The following PRAG1 variants were observed in gnomAD, a reference collection of about 807,000 sequenced individuals.
PRAG1 encodes the protein PEAK1 related, kinase-activating pseudokinase 1.
PRAG1 carries 110 observed loss-of-function variants against 95.6 expected under a neutral mutation model. That is an observed-to-expected ratio of 1.15 (90% confidence interval 0.99 to 1.35). The LOEUF is 1.35. Among genes scored for constraint, PRAG1 ranks in the 40% most tolerant of loss-of-function variants. PRAG1 has a pLI of 0.00. For synonymous variants in PRAG1, 1,052 were observed against 819.4 expected, an observed-to-expected ratio of 1.28 and a Z score of -4.85; for missense variants, 2,554 against 1,864.7, an observed-to-expected ratio of 1.37 and a Z score of -6.81.
At chr8:8,334,111 G>A (rs1046280742) in intron 4 of PRAG1, among the ~76,000 whole-genome samples, 5 of 152,182 alleles carry the variant, frequency 3.3e-5, no homozygotes, top group African/African-American at 1.2e-4. Flanking sequence ...CACAGTCAGA[G>A]CAGGTTCAAC....
rs1800666685 is a variant in PRAG1, at chr8:8,381,502, G to C, written c.246C>G (p.Pro82=). ...TCATGGTGGGCTTCACGGCAATTGT[G>C]GGCTTGGAGTAAGGTGAGCTGTTCA... ...EGVNSSPYSK[P]TIAVKPTMMS... is the part of the protein sequence containing the mutation. The change falls in exon 2 of 6, where the codon CCC becomes CCG. Residue 82 remains proline, a synonymous_variant. Transcript: ENST00000615670. 6.2e-7 allele frequency: 1 copy of C among 1,614,246 alleles called. No homozygotes were observed. Among genetic ancestry groups the C allele is most frequent in the Non-Finnish European group, 8.5e-7 (1 of 1,180,040 alleles).
chr8:8,357,423 T>TA (rs1163806287), intron 3 of PRAG1, among the ~76,000 whole-genome samples: 4 of 152,122 alleles, frequency 2.6e-5, no homozygotes, highest in Non-Finnish European at 5.9e-5. Context: ...CAAGGGCCAG[T>TA]AAGCACATAA....
chr8:8,379,190 G>A lies in PRAG1; in HGVS notation c.331-1112C>T, dbSNP rs145899686. Among the ~76,000 whole-genome samples, 122 of 152,268 alleles carry A rather than the reference G, an allele frequency of 8.0e-4. No individual in the cohort carries two copies. In the Middle Eastern group the frequency reaches 0.01, roughly 13 times the overall value. On this transcript the variant is annotated intron_variant, in intron 2 of 5. Coordinates refer to ENST00000615670, the MANE Select transcript of PRAG1 (RefSeq NM_001080826.3). ...GACCTGGGCTTCCTCGCTTCTTTCT[G>A]TGCTTTGCTTCCAACTATGCCAGAG...
chr8:8,345,781 C>T (rs1006727340), intron 3 of PRAG1, among the ~76,000 whole-genome samples: 4 of 152,116 alleles, frequency 2.6e-5, no homozygotes, highest in African/African-American at 2.4e-5. Context: ...GGTGACAGAG[C>T]GAGACTCTGT....
intron 3 of PRAG1, among the ~76,000 whole-genome samples, chr8:8,359,127 TTAA>T (rs1799770796): frequency 6.6e-6 from 1 of 152,224 alleles, no homozygotes; most frequent in Admixed American, 6.5e-5. Flanking sequence ...GATTTATTCC[TTAA>T]TAAAAAAGGT....
intron 3 of PRAG1, among the ~76,000 whole-genome samples, chr8:8,360,759 T>C (rs1799819180): frequency 6.6e-6 from 1 of 152,254 alleles, no homozygotes; most frequent in South Asian, 2.1e-4. Context: ...CATCCTTTTC[T>C]TGTTGTATGT....
Position 8,347,341 on chromosome 8 carries a change from C to G in PRAG1, c.2163-7706G>C, listed in dbSNP as rs577404310. On this transcript the variant is annotated intron_variant, in intron 3 of 5. Transcript: ENST00000615670. ...ACCAGCTCAGAGCTCTCTGTTTCCC[C>G]TCAGTTCCTCTCTGACTTTTCTATA... is the stretch of plus-strand genomic sequence containing the variant. Among the ~76,000 whole-genome samples the G allele has an allele frequency of 9.8e-4, 149 of 152,326 alleles. 1 individual carries two copies. The highest frequency in any genetic ancestry group is 3.4e-3 in the African/African-American group (142 of 41,572).
intron 2 of PRAG1, among the ~76,000 whole-genome samples, 183 bp from the exon 3 acceptor site, chr8:8,378,261 A>G (rs747740936): frequency 6.6e-6 from 1 of 152,154 alleles, no homozygotes; most frequent in Non-Finnish European, 1.5e-5. Flanking sequence ...CCCTGTGATC[A>G]TTGCTGGGGC....
intron 3 of PRAG1, among the ~76,000 whole-genome samples, chr8:8,370,961 A>C (rs1800176020): frequency 6.6e-6 from 1 of 152,094 alleles, no homozygotes; most frequent in Non-Finnish European, 1.5e-5. Flanking sequence ...CAACACGGTG[A>C]AACCCCATCT....
At chr8:8,375,711 G>C (rs566043456) in intron 3 of PRAG1, among the ~76,000 whole-genome samples, 95 of 151,958 alleles carry the variant, frequency 6.3e-4, no homozygotes, top group African/African-American at 2.3e-3. Flanking sequence ...AGAAAATAGA[G>C]ACAGGATCTC....
chr8:8,373,196 C>G, intron 3 of PRAG1, among the ~76,000 whole-genome samples: 1 of 152,164 alleles, frequency 6.6e-6, no homozygotes, highest in East Asian at 1.9e-4. Flanking sequence ...GATTTGCCAA[C>G]ACCCTGACCT....
chr8:8,319,350 G>A, intron 5 of PRAG1, 48 bp from the exon 6 acceptor site: 2 of 1,441,088 alleles, frequency 1.4e-6, no homozygotes, highest in Non-Finnish European at 1.9e-6. Flanking sequence ...CCATGGTTCC[G>A]CCCAGCAAAG....
At chr8:8,361,354 G>A (rs1005873466) in intron 3 of PRAG1, among the ~76,000 whole-genome samples, 7 of 152,180 alleles carry the variant, frequency 4.6e-5, no homozygotes, top group African/African-American at 7.2e-5. Context: ...GTTATATGGT[G>A]GGAGGAAATA....
rs1798318124 is a variant in PRAG1, at chr8:8,317,750, A to C, written c.*404T>G. The C allele has an allele frequency of 1.3e-5, 2 of 153,304 alleles. No individual in the cohort carries two copies. The highest frequency in any genetic ancestry group is 2.9e-5 in the Non-Finnish European group (2 of 68,770). The allele number at this position is 153,304 out of a possible 1,614,324, so 9.5% of individuals were successfully genotyped here. ...AAGAGCTTTGCTCATGACTCAACCA[A>C]AAAAAATTTTAATGGAATTTTCTTC... On this transcript the variant is annotated 3_prime_UTR_variant, in exon 6 of 6. Coordinates refer to ENST00000615670, the MANE Select transcript of PRAG1 (RefSeq NM_001080826.3).
intron 3 of PRAG1, among the ~76,000 whole-genome samples, chr8:8,357,972 C>A (rs890662385): frequency 6.6e-6 from 1 of 152,188 alleles, no homozygotes; most frequent in African/African-American, 2.4e-5. Flanking sequence ...CTGGTTGCTA[C>A]CAAATTCAAT....
Position 8,377,044 on chromosome 8 carries a change from T to C in PRAG1, c.1365A>G (p.Ala455=), listed in dbSNP as rs761500995. 1.9e-6 allele frequency: 3 copies of C among 1,614,016 alleles called. No homozygotes were observed. Among genetic ancestry groups the C allele is most frequent in the Admixed American group, 1.7e-5 (1 of 60,030 alleles). ...VCTGNAWAQK[A]ASGWGRDSPD... ...GGCTGTCCCGGCCCCAGCCAGATGC[T>C]GCTTTCTGGGCCCAGGCATTACCTG... Residue 455 remains alanine, a synonymous_variant, in exon 3 of 6, where the codon GCA becomes GCG. Transcript: ENST00000615670.
chr8:8,351,719 C>T lies in PRAG1; in HGVS notation c.2163-12084G>A, dbSNP rs536234937. On this transcript the variant is annotated intron_variant, in intron 3 of 5. Transcript: ENST00000615670. ...ATCAGGTTGCTTAGCTCTATCACTTCGCTTTCAGTATATAAAGATCTAGAA... is the reference window on the plus strand; with the variant it reads ...ATCAGGTTGCTTAGCTCTATCACTTTGCTTTCAGTATATAAAGATCTAGAA... Among the ~76,000 whole-genome samples the T allele has an allele frequency of 4.6e-5, 7 of 152,270 alleles. No homozygotes were observed. The South Asian group carries it at 1.0e-3, about 23-fold the overall frequency.
chr8:8,326,121 TTAC>T (rs1002993740), intron 5 of PRAG1, among the ~76,000 whole-genome samples: 20 of 147,716 alleles, frequency 1.4e-4, no homozygotes, highest in African/African-American at 4.4e-4. Context: ...AATAATACTA[TTAC>T]TACTACTATT....
At position 8,365,817 on chromosome 8, in the gene PRAG1, T is replaced by C. The variant is rs544015699; in HGVS notation, c.2162+10430A>G. Among the ~76,000 whole-genome samples, 21 of 149,300 alleles carry C rather than the reference T, an allele frequency of 1.4e-4. No individual in the cohort carries two copies. In the South Asian group the frequency reaches 1.5e-3, roughly 11 times the overall value. On this transcript the variant is annotated intron_variant, in intron 3 of 5. Coordinates refer to ENST00000615670, the MANE Select transcript of PRAG1 (RefSeq NM_001080826.3). The stretch of plus-strand genomic sequence containing the variant: ...ATATATATATATATACACACACATA[T>C]ATATATACAAAAATTAGCTGGACAT...
Sources: gnomAD v4.1 joint callset for allele counts (sites outside exome capture counted in the v4.1 genomes callset) on GRCh38, gnomAD v4.1.1 for gene constraint, MANE v1.5 for transcripts, NCBI Gene and HGNC (gene_info 2026-07-23, HGNC 2026-07-21) for gene names.